The following CPT1A variants were observed in gnomAD, a reference collection of about 807,000 sequenced individuals.
CPT1A encodes the protein carnitine palmitoyltransferase 1A.
A neutral mutation model predicts 100.8 loss-of-function variants in CPT1A; 64 were observed. The observed-to-expected ratio is 0.63, with a 90% CI of 0.52 to 0.78. CPT1A has a LOEUF of 0.78. Ranked by LOEUF, CPT1A falls within the 30% of genes least tolerant of loss-of-function variation. CPT1A has a pLI of 0.00. For synonymous variants in CPT1A, 363 were observed against 396.0 expected (o/e 0.92, Z 0.99); for missense variants, 802 against 1,034.1 (o/e 0.78, Z 3.08).
rs1855320413 is a variant in CPT1A, at chr11:68,781,843, T to C, written c.1280A>G (p.Tyr427Cys). The C allele has an allele frequency of 6.2e-7, 1 of 1,614,156 alleles. No individual in the cohort carries two copies. The highest frequency in any genetic ancestry group is 2.2e-5 in the East Asian group (1 of 44,880). The part of the protein sequence containing the change: ...FVTLDETEEG[Y>C]RSEDPDTSMD... ...TGACGTATCCGGGTCTTCACTTCTG[T>C]ATCCTTCTTCAGTTTCATCTAACGT... The change falls in exon 11 of 19, where the codon TAC (tyrosine) becomes TGC (cysteine). Residue 427 changes from tyrosine (Y) to cysteine (C), a missense_variant. Physicochemically the swap from Tyr to Cys is radical, Grantham distance 194. Transcript: ENST00000265641.
chr11:68,776,009 T>C (rs1855130048), intron 12 of CPT1A, among the ~76,000 whole-genome samples: 1 of 152,188 alleles, frequency 6.6e-6, no homozygotes, highest in African/African-American at 2.4e-5. Context: ...AAACAAAGTG[T>C]GGTCAATCCA....
intron 8 of CPT1A, among the ~76,000 whole-genome samples, chr11:68,794,196 T>C (rs991065127): frequency 2.6e-5 from 4 of 152,204 alleles, no homozygotes; most frequent in Non-Finnish European, 5.9e-5. Context: ...CATACTGTTA[T>C]GATTCCACTT....
intron 1 of CPT1A, among the ~76,000 whole-genome samples, chr11:68,837,138 C>T (rs1857029428): frequency 6.6e-6 from 1 of 152,192 alleles, no homozygotes; most frequent in African/African-American, 2.4e-5. Context: ...CAACCTCCAA[C>T]TCCTGGGTTC....
At chr11:68,835,183 T>G (rs1355452758) in intron 1 of CPT1A, among the ~76,000 whole-genome samples, 1 of 152,176 alleles carries the variant, frequency 6.6e-6, no homozygotes, top group Non-Finnish European at 1.5e-5. Context: ...ACCTAGCTAT[T>G]CAGAAGCCCA....
intron 7 of CPT1A, among the ~76,000 whole-genome samples, chr11:68,796,218 A>C (rs1340220771): frequency 6.6e-6 from 1 of 152,162 alleles, no homozygotes; most frequent in African/African-American, 2.4e-5. Context: ...TTCTGCAGGG[A>C]TCTTAAGGCC....
chr11:68,779,207 C>G (rs1326002510), intron 12 of CPT1A, among the ~76,000 whole-genome samples: 1 of 152,096 alleles, frequency 6.6e-6, no homozygotes, highest in Non-Finnish European at 1.5e-5. Flanking sequence ...TCATTTTATT[C>G]CACTTCATTT....
intron 9 of CPT1A, among the ~76,000 whole-genome samples, chr11:68,790,195 T>C (rs1855575701): frequency 6.6e-6 from 1 of 152,004 alleles, no homozygotes; most frequent in South Asian, 2.1e-4. Flanking sequence ...CTCAGCCTCC[T>C]GAGTAGCTGG....
intron 13 of CPT1A, among the ~76,000 whole-genome samples, chr11:68,774,301 C>T (rs1377088956): frequency 6.6e-6 from 1 of 152,094 alleles, no homozygotes; most frequent in African/African-American, 2.4e-5. Flanking sequence ...TATGTTCTGA[C>T]GCTAACAGGA....
intron 14 of CPT1A, among the ~76,000 whole-genome samples, chr11:68,766,572 G>A (rs889532670): frequency 2.6e-5 from 4 of 151,630 alleles, no homozygotes; most frequent in Non-Finnish European, 4.4e-5. Flanking sequence ...TATAACCTCC[G>A]CCTCCCAGGT....
intron 1 of CPT1A, among the ~76,000 whole-genome samples, chr11:68,829,501 C>T (rs879530613): frequency 2.0e-5 from 3 of 152,038 alleles, no homozygotes; most frequent in Non-Finnish European, 4.4e-5. Flanking sequence ...TCAAGGATGG[C>T]TAGAGGAGAG....
At chr11:68,773,597 C>T in intron 13 of CPT1A, 168 bp from the exon 14 acceptor site, 1 of 1,263,136 alleles carries the variant, frequency 7.9e-7, no homozygotes, top group Non-Finnish European at 1.1e-6. Flanking sequence ...GGCATGGCTC[C>T]CTGACCCCGG....
At chr11:68,775,599 T>C (rs927351947) in intron 12 of CPT1A, among the ~76,000 whole-genome samples, 167 bp from the exon 13 acceptor site, 25 of 152,238 alleles carry the variant, frequency 1.6e-4, no homozygotes, top group African/African-American at 6.0e-4. Context: ...CTGATCTCCA[T>C]GTCAGATGTG....
Position 68,777,910 on chromosome 11 carries a change from A to G in CPT1A, c.1459-2478T>C, listed in dbSNP as rs113966195. Among the ~76,000 whole-genome samples, 767 of 152,270 alleles carry G rather than the reference A, an allele frequency of 5.0e-3. 6 individuals carry two copies. The highest frequency in any genetic ancestry group is 0.017 in the African/African-American group (726 of 41,560). On this transcript the variant is annotated intron_variant, in intron 12 of 18. Transcript: ENST00000265641. ...GCGTGCCTTCTTGCTACGTCCAGAG[A>G]CACTGAAGGCAGCTTGATCTTCAAT...
rs766066286 is a variant in CPT1A at position 68,757,356 on chromosome 11, T to C, written c.*288A>G. The C allele has an allele frequency of 8.0e-5, 104 of 1,298,902 alleles. No individual in the cohort carries two copies. The highest frequency in any genetic ancestry group is 1.0e-4 in the Non-Finnish European group (103 of 1,016,386). 80.5% of individuals were successfully genotyped at this position (1,298,902 alleles called of 1,614,324 possible). On this transcript the variant is annotated 3_prime_UTR_variant, in exon 19 of 19. Transcript: ENST00000265641. ...GCCACAACCCTACTAATTCCTTCAT[T>C]AACTCAACAAGATTTGCATCCCTTA...
intron 8 of CPT1A, 139 bp from the exon 9 acceptor site, chr11:68,793,541 G>A (rs1455227738): frequency 1.6e-5 from 10 of 618,794 alleles, no homozygotes; most frequent in African/African-American, 1.5e-4. Flanking sequence ...GTCAGTAGAT[G>A]GAGACCATCC....
chr11:68,824,697 G>A (rs1473745525), intron 1 of CPT1A, among the ~76,000 whole-genome samples: 2 of 151,444 alleles, frequency 1.3e-5, no homozygotes, highest in Non-Finnish European at 2.9e-5. Context: ...AGTTGAGACC[G>A]TGGGTGTGAG....
Position 68,762,631 on chromosome 11 carries a change from T to C in CPT1A, c.1871A>G (p.Gln624Arg). 1 of 1,613,662 alleles carries C rather than the reference T, an allele frequency of 6.2e-7. No homozygotes were observed. The highest frequency in any genetic ancestry group is 8.5e-7 in the Non-Finnish European group (1 of 1,180,002). ...DFVRAMVDPA[Q>R]TVEQRLKLFK... ...CTCAGCCTGATGGCACATTACCGTC[T>C]GGGCCGGGTCCACCATGGCCCGCAC... is the stretch of plus-strand genomic sequence containing the variant. Residue 624 changes from glutamine to arginine, a missense_variant, in exon 15 of 19, where the codon CAG becomes CGG. By Grantham distance (43) the Gln-to-Arg change is conservative (BLOSUM62 1). Around this residue, in one of 4 missense-constraint regions of CPT1A, gnomAD observed 627 missense variants for 799.3 expected, o/e 0.78. Coordinates refer to ENST00000265641, the MANE Select transcript of CPT1A (RefSeq NM_001876.4).
At chr11:68,783,052 G>T (rs1029287014) in intron 10 of CPT1A, among the ~76,000 whole-genome samples, 1 of 152,128 alleles carries the variant, frequency 6.6e-6, no homozygotes, top group African/African-American at 2.4e-5. Context: ...CTTCACCCGA[G>T]ATGCATCTCC....
In CPT1A at chr11:68,757,657, T is replaced by A; in HGVS notation, c.2309A>T (p.Asn770Ile). ...DIITLFGLSS[N>I]SKK is the part of the protein sequence containing the mutation. ...GCTCCAGTGGAATTACTTTTTGGAA[T>A]TAGAACTGAGACCAAACAAAGTGAT... is the stretch of plus-strand genomic sequence containing the variant. The change falls in exon 19 of 19, where the codon AAT (asparagine) becomes ATT (isoleucine). Residue 770 changes from asparagine (N) to isoleucine (I), a missense_variant. Physicochemically the swap from Asn to Ile is moderately radical, Grantham distance 149 (BLOSUM62 -3). Around this residue, in one of 4 missense-constraint regions of CPT1A, gnomAD observed 627 missense variants for 799.3 expected, o/e 0.78. Coordinates refer to ENST00000265641, the MANE Select transcript of CPT1A (RefSeq NM_001876.4). The A allele has an allele frequency of 6.2e-7, 1 of 1,614,172 alleles. No individual in the cohort carries two copies. Among genetic ancestry groups the A allele is most frequent in the Non-Finnish European group, 8.5e-7 (1 of 1,180,010 alleles).
Sources: gnomAD v4.1 joint callset for allele counts (sites outside exome capture counted in the v4.1 genomes callset) on GRCh38, gnomAD v4.1.1 for gene constraint, gnomAD v4.1.1 regional missense constraint, MANE v1.5 for transcripts, NCBI Gene and HGNC (gene_info 2026-07-23, HGNC 2026-07-21) for gene names.